UNC5D: variants seen among roughly 807,000 people sequenced by gnomAD.
The protein encoded by UNC5D is unc-5 netrin receptor D.
Under a neutral mutation model 105.4 loss-of-function variants are expected in UNC5D, and 39 were observed. That is an observed-to-expected ratio of 0.37 (90% CI 0.29 to 0.48). The LOEUF is 0.48. UNC5D is among the 20% of genes least tolerant of loss of function. The pLI is 0.98. For synonymous variants in UNC5D, 452 were observed against 450.4 expected (o/e 1.00, Z -0.04); for missense variants, 991 against 1,202.4 (o/e 0.82, Z 2.60).
chr8:35,590,869 G>A (rs1045316602), intron 3 of UNC5D, among the ~76,000 whole-genome samples: 18 of 151,932 alleles, frequency 1.2e-4, no homozygotes, highest in African/African-American at 4.4e-4. Flanking sequence ...TGCCTGGTGG[G>A]GTCCTGAGAT....
intron 1 of UNC5D, among the ~76,000 whole-genome samples, chr8:35,364,211 C>T (rs1024392264): frequency 6.6e-6 from 1 of 152,066 alleles, no homozygotes; most frequent in Non-Finnish European, 1.5e-5. Flanking sequence ...ATTATTCTTT[C>T]TATATTTGTC....
intron 1 of UNC5D, among the ~76,000 whole-genome samples, chr8:35,435,397 G>A (rs970810352): frequency 9.9e-5 from 15 of 152,036 alleles, no homozygotes; most frequent in African/African-American, 3.6e-4. Flanking sequence ...TCTGGAGAAA[G>A]CTGGCAAAAG....
chr8:35,590,190 A>G (rs1819075009), intron 3 of UNC5D, among the ~76,000 whole-genome samples: 1 of 151,912 alleles, frequency 6.6e-6, no homozygotes, highest in South Asian at 2.1e-4. Context: ...AGAGCTCTTT[A>G]TATATTAAGG....
At chr8:35,463,212 G>A (rs1809028158) in intron 1 of UNC5D, among the ~76,000 whole-genome samples, 1 of 152,202 alleles carries the variant, frequency 6.6e-6, no homozygotes, top group South Asian at 2.1e-4. Flanking sequence ...TCTCTGCCTA[G>A]TGCTGTATCC....
rs1056626219 is a variant in UNC5D, at chr8:35,586,425, C to T, written c.467-9129C>T. Among the ~76,000 whole-genome samples the T allele has an allele frequency of 8.5e-5, 13 of 152,272 alleles. No individual in the cohort carries two copies. The East Asian group carries it at 1.9e-3, about 23-fold the overall frequency. ...AGAAAGCCTTTTATGTGCCTTCCCT[C>T]GGGAACTGAAGCCAGTAACTGACTT... On this transcript the variant is annotated intron_variant, in intron 3 of 16. Transcript: ENST00000404895.
chr8:35,593,384 C>T (rs930813999), intron 3 of UNC5D, among the ~76,000 whole-genome samples: 2 of 151,998 alleles, frequency 1.3e-5, no homozygotes, highest in African/African-American at 4.8e-5. Context: ...ATTGGGATGA[C>T]CATTTAGCAG....
intron 1 of UNC5D, among the ~76,000 whole-genome samples, chr8:35,318,011 G>C (rs1268076091): frequency 2.6e-5 from 4 of 151,878 alleles, no homozygotes; most frequent in African/African-American, 9.7e-5. Context: ...CACCCCATGT[G>C]TTAATTCTTT....
chr8:35,454,079 T>C (rs77419420), intron 1 of UNC5D, among the ~76,000 whole-genome samples: 3 of 152,324 alleles, frequency 2.0e-5, no homozygotes, highest in Non-Finnish European at 4.4e-5. Context: ...GTCCTGGTTT[T>C]GTGATCTAAC....
At position 35,559,481 on chromosome 8, in the gene UNC5D, T is replaced by G. The variant is rs567384160; in HGVS notation, c.323-8617T>G. 2.6e-5 allele frequency among the ~76,000 whole-genome samples: 4 copies of G among 152,334 alleles called. No homozygotes were observed. In the South Asian group the frequency reaches 8.3e-4, roughly 32 times the overall value. The stretch of plus-strand genomic sequence containing the variant: ...CCCAAGTGCCCATTACCAGGTGTGT[T>G]TGAGAACTGGCTGGAAACAGTAACC... On this transcript the variant is annotated intron_variant, in intron 2 of 16. Coordinates refer to ENST00000404895, the MANE Select transcript of UNC5D (RefSeq NM_080872.4).
intron 1 of UNC5D, among the ~76,000 whole-genome samples, chr8:35,387,981 C>T (rs747273498): frequency 6.6e-6 from 1 of 152,022 alleles, no homozygotes; most frequent in Non-Finnish European, 1.5e-5. Flanking sequence ...TCCCAAAGAG[C>T]AGGACACTCA....
chr8:35,279,087 G>A (rs1176080161), intron 1 of UNC5D, among the ~76,000 whole-genome samples: 3 of 152,114 alleles, frequency 2.0e-5, no homozygotes, highest in Non-Finnish European at 2.9e-5. Context: ...GCCAGCCTAG[G>A]AGGCTCTGTC....
chr8:35,588,050 C>CAAAATGT (rs1818908633), intron 3 of UNC5D, among the ~76,000 whole-genome samples: 2 of 146,482 alleles, frequency 1.4e-5, no homozygotes, highest in African/African-American at 5.0e-5. Context: ...TTTTAAACCA[C>CAAAATGT]ATTTAAAAAT....
chr8:35,374,550 TA>T (rs1328888655), intron 1 of UNC5D, among the ~76,000 whole-genome samples: 3 of 152,180 alleles, frequency 2.0e-5, no homozygotes, highest in African/African-American at 7.2e-5. Context: ...AGGAGACTAT[TA>T]GGAACTAGCT....
intron 1 of UNC5D, among the ~76,000 whole-genome samples, chr8:35,414,135 T>C (rs1323205685): frequency 6.6e-6 from 1 of 152,098 alleles, no homozygotes; most frequent in African/African-American, 2.4e-5. Flanking sequence ...CTGTTTAATT[T>C]TTTTCTCTGG....
At chr8:35,616,817 C>T (rs1227617704) in intron 4 of UNC5D, among the ~76,000 whole-genome samples, 3 of 152,082 alleles carry the variant, frequency 2.0e-5, no homozygotes, top group Non-Finnish European at 2.9e-5. Flanking sequence ...AGGAAAGATC[C>T]GAAGGCCAGC....
At chr8:35,330,965 T>C (rs1380759382) in intron 1 of UNC5D, among the ~76,000 whole-genome samples, 1 of 152,186 alleles carries the variant, frequency 6.6e-6, no homozygotes, top group Non-Finnish European at 1.5e-5. Context: ...TTTCCTTTCT[T>C]TTAAGTGCTT....
chr8:35,445,110 G>A (rs1358843795), intron 1 of UNC5D, among the ~76,000 whole-genome samples: 1 of 151,774 alleles, frequency 6.6e-6, no homozygotes, highest in South Asian at 2.1e-4. Context: ...TATTCTGTTG[G>A]TATCAGAGTG....
intron 1 of UNC5D, among the ~76,000 whole-genome samples, chr8:35,447,179 C>A (rs1807851390): frequency 6.6e-6 from 1 of 152,074 alleles, no homozygotes; most frequent in African/African-American, 2.4e-5. Flanking sequence ...TGGCTAAACT[C>A]ACTTAGCAAG....
chr8:35,583,084 G>A (rs772698266), intron 3 of UNC5D, among the ~76,000 whole-genome samples: 4 of 152,176 alleles, frequency 2.6e-5, no homozygotes, highest in Non-Finnish European at 5.9e-5. Flanking sequence ...GGGTGCAGTG[G>A]CTCATGACTA....
Sources: gnomAD v4.1 joint callset for allele counts (sites outside exome capture counted in the v4.1 genomes callset) on GRCh38, gnomAD v4.1.1 for gene constraint, MANE v1.5 for transcripts, NCBI Gene and HGNC (gene_info 2026-07-23, HGNC 2026-07-21) for gene names.